The following ATP8B1 variants were observed in gnomAD, a reference collection of about 807,000 sequenced individuals.
ATP8B1 encodes the protein phospholipid-transporting ATPase IC.
A neutral mutation model predicts 149.9 loss-of-function variants in ATP8B1; 80 were observed. The ratio of observed to expected loss-of-function variants is 0.53; its 90% CI spans 0.45 to 0.64. The LOEUF (loss-of-function observed/expected upper bound fraction) is 0.64. ATP8B1 is among the 30% of genes least tolerant of loss of function. ATP8B1 has a pLI of 0.00. For synonymous variants in ATP8B1, 536 were observed against 562.8 expected (o/e 0.95, Z 0.67); for missense variants, 1,247 against 1,552.6 (o/e 0.80, Z 3.31).
At chr18:57,738,817 A>G (rs2079884042) in intron 1 of ATP8B1, among the ~76,000 whole-genome samples, 1 of 151,962 alleles carries the variant, frequency 6.6e-6, no homozygotes, top group Non-Finnish European at 1.5e-5. Flanking sequence ...CACCAAAGGC[A>G]TGCCATTCTC....
rs1203223157 is a variant in ATP8B1 at position 57,802,696 on chromosome 18, A to T, written c.-26+302T>A. ...CCCCCGGACATGTGTGTCGCTACCG[A>T]TCGAAGAACCCAAACACCCCGAGAT... On this transcript the variant is annotated intron_variant, in intron 1 of 27. Coordinates refer to ENST00000648908, the MANE Select transcript of ATP8B1 (RefSeq NM_001374385.1). The surrounding 1 kb of genome is among the most constrained non-coding windows in gnomAD (Gnocchi z 4.9). 6.6e-6 allele frequency among the ~76,000 whole-genome samples: 1 copy of T among 152,150 alleles called. No individual in the cohort carries two copies. The highest frequency in any genetic ancestry group is 1.5e-5 in the Non-Finnish European group (1 of 68,026).
chr18:57,717,266 C>T (rs904055759), intron 2 of ATP8B1, among the ~76,000 whole-genome samples: 1 of 151,918 alleles, frequency 6.6e-6, no homozygotes, highest in Non-Finnish European at 1.5e-5. Context: ...AGAACTAGAG[C>T]CAGGTGCAGT....
chr18:57,796,029 C>T (rs1018007318), intron 1 of ATP8B1, among the ~76,000 whole-genome samples: 2 of 152,012 alleles, frequency 1.3e-5, no homozygotes, highest in African/African-American at 4.8e-5. Flanking sequence ...ATTAGCCAAG[C>T]CTGGTGGCCA....
chr18:57,723,125 A>T (rs1241345301), intron 2 of ATP8B1, among the ~76,000 whole-genome samples: 1 of 151,178 alleles, frequency 6.6e-6, no homozygotes, highest in South Asian at 2.1e-4. Flanking sequence ...ATCTATGACA[A>T]ACCCACAGCC....
intron 1 of ATP8B1, among the ~76,000 whole-genome samples, chr18:57,749,963 C>G (rs1284952535): frequency 1.3e-5 from 2 of 152,146 alleles, no homozygotes; most frequent in African/African-American, 4.8e-5. Context: ...GGGTTTAGTG[C>G]CGGGTGCAGT....
At chr18:57,650,121 A>G (rs1187092930) in intron 27 of ATP8B1, among the ~76,000 whole-genome samples, 1 of 152,214 alleles carries the variant, frequency 6.6e-6, no homozygotes, top group Non-Finnish European at 1.5e-5. Context: ...GAGGAGATAG[A>G]TATATGGGGC....
Position 57,802,203 on chromosome 18 carries a change from T to C in ATP8B1, c.-26+795A>G, listed in dbSNP as rs772089860. On this transcript the variant is annotated intron_variant, in intron 1 of 27. Coordinates refer to ENST00000648908, the MANE Select transcript of ATP8B1 (RefSeq NM_001374385.1). The surrounding 1 kb of genome is among the most constrained non-coding windows in gnomAD (Gnocchi z 4.9). ...GTGGGGGCGAGGGGTGTTAAAGCACTGGGCCATTCTCTGCAACATCTCCCC... is the reference window on the plus strand; with the variant it reads ...GTGGGGGCGAGGGGTGTTAAAGCACCGGGCCATTCTCTGCAACATCTCCCC... 2.9e-4 allele frequency among the ~76,000 whole-genome samples: 44 copies of C among 152,202 alleles called. No homozygotes were observed. The highest frequency in any genetic ancestry group is 3.5e-4 in the Non-Finnish European group (24 of 67,998).
intron 1 of ATP8B1, among the ~76,000 whole-genome samples, chr18:57,773,340 C>T (rs1037294636): frequency 6.6e-6 from 1 of 152,028 alleles, no homozygotes; most frequent in Non-Finnish European, 1.5e-5. Flanking sequence ...AAGGCGGAGG[C>T]TAATAAGGTG....
At chr18:57,798,412 C>A (rs868831821) in intron 1 of ATP8B1, among the ~76,000 whole-genome samples, 104 of 134,968 alleles carry the variant, frequency 7.7e-4, no homozygotes, top group Admixed American at 1.3e-3. Flanking sequence ...CCTGTCTCTA[C>A]AAAAAAAAAA....
chr18:57,797,872 A>T (rs957089967), intron 1 of ATP8B1, among the ~76,000 whole-genome samples: 1 of 151,728 alleles, frequency 6.6e-6, no homozygotes, highest in Admixed American at 6.6e-5. Flanking sequence ...ACACCTGGCT[A>T]ATTTTTGTAT....
intron 1 of ATP8B1, among the ~76,000 whole-genome samples, chr18:57,750,670 C>G (rs1016849173): frequency 6.6e-6 from 1 of 152,214 alleles, no homozygotes; most frequent in Admixed American, 6.5e-5. Context: ...AGAGTCCAAC[C>G]TACTCTTTTC....
intron 1 of ATP8B1, among the ~76,000 whole-genome samples, chr18:57,778,232 T>C (rs1451686360): frequency 1.3e-5 from 2 of 149,834 alleles, no homozygotes; most frequent in African/African-American, 4.9e-5. Context: ...CTTTTTCTTT[T>C]TTTTTTTTTT....
intron 16 of ATP8B1, among the ~76,000 whole-genome samples, chr18:57,672,661 G>T (rs1911275078): frequency 6.6e-6 from 1 of 151,854 alleles, no homozygotes; most frequent in Non-Finnish European, 1.5e-5. Flanking sequence ...GAGGTCGGCA[G>T]TTGGAGACCA....
In ATP8B1 at chr18:57,647,755, T is replaced by G. The variant is rs1909267391; in HGVS notation, c.*733A>C. The stretch of plus-strand genomic sequence containing the variant: ...AGGACTTTTATTATTATTAAAAAAT[T>G]TTTTTTGAGCTGGTGTCTCACTCTG... On this transcript the variant is annotated 3_prime_UTR_variant, in exon 28 of 28. Transcript: ENST00000648908. 3 of 153,522 alleles carry G rather than the reference T, an allele frequency of 2.0e-5. No homozygotes were observed. Among genetic ancestry groups the G allele is most frequent in the Admixed American group, 1.9e-4 (3 of 15,434 alleles). 9.5% of individuals were successfully genotyped at this position (153,522 alleles called of 1,614,324 possible).
chr18:57,761,730 G>A (rs532502090), intron 1 of ATP8B1, among the ~76,000 whole-genome samples: 3 of 150,834 alleles, frequency 2.0e-5, no homozygotes, highest in African/African-American at 4.9e-5. Flanking sequence ...TGAGGCGGGC[G>A]GATCACAAGG....
Position 57,648,631 on chromosome 18 carries a change from G to A in ATP8B1, c.3613C>T (p.Arg1205Trp). The A allele has an allele frequency of 6.2e-7, 1 of 1,602,626 alleles. No individual in the cohort carries two copies. ...QQVFRRGVST[R>W]RSAYAFSHQR... ...TGCGAGAAGGCGTAGGCCGAGCGCCGCGTTGACACGCCCCGGCGGAACACC... is the reference window on the plus strand; with the variant it reads ...TGCGAGAAGGCGTAGGCCGAGCGCCACGTTGACACGCCCCGGCGGAACACC... Residue 1205 changes from arginine to tryptophan, a missense_variant, in exon 28 of 28, where the codon CGG becomes TGG. By Grantham distance (101) the Arg-to-Trp change is moderately radical (BLOSUM62 -3). Transcript: ENST00000648908.
At chr18:57,758,960 A>G (rs1391637171) in intron 1 of ATP8B1, among the ~76,000 whole-genome samples, 2 of 151,970 alleles carry the variant, frequency 1.3e-5, no homozygotes, top group African/African-American at 4.8e-5. Context: ...GATCAAGACT[A>G]TCCTGGCCAA....
Position 57,731,771 on chromosome 18 carries a change from C to G in ATP8B1, c.37G>C (p.Glu13Gln), listed in dbSNP as rs747649285. Reference protein sequence around the residue: ...TERDSETTFDEDSQPNDEVVP... With the variant: ...TERDSETTFDQDSQPNDEVVP... ...ACTTCGTCATTAGGCTGAGAATCCT[C>G]GTCAAATGTCGTTTCTGAGTCTCTT... The change falls in exon 2 of 28, where the codon GAG (glutamate) becomes CAG (glutamine). Residue 13 changes from glutamate to glutamine, a missense_variant. Physicochemically the swap from Glu to Gln is conservative, Grantham distance 29 (BLOSUM62 2). Coordinates refer to ENST00000648908, the MANE Select transcript of ATP8B1 (RefSeq NM_001374385.1). 4 of 1,613,946 alleles carry G rather than the reference C, an allele frequency of 2.5e-6. No individual in the cohort carries two copies. In the African/African-American group the frequency reaches 4.0e-5, roughly 16 times the overall value.
At chr18:57,767,621 C>T (rs7238883) in intron 1 of ATP8B1, among the ~76,000 whole-genome samples, 2,469 of 152,060 alleles carry the variant, frequency 0.016, 74 homozygotes, top group African/African-American at 0.056. Flanking sequence ...AACCTTGTTT[C>T]TACTAAAATA....
Sources: allele counts gnomAD v4.1 joint callset (sites outside exome capture counted in the v4.1 genomes callset), GRCh38; gene constraint gnomAD v4.1.1; non-coding constraint Gnocchi (gnomAD v3.1); transcripts MANE v1.5; gene names NCBI Gene and HGNC (gene_info 2026-07-23, HGNC 2026-07-21).